Variants in RAD50 observed in about 807,000 individuals in gnomAD.
RAD50 encodes the protein DNA repair protein RAD50.
In RAD50, 132 loss-of-function variants were observed where a neutral mutation model predicts 168.8. The observed-to-expected ratio is 0.78, with a 90% CI of 0.68 to 0.90. The LOEUF (loss-of-function observed/expected upper bound fraction) is 0.90, where lower values mean the gene tolerates loss of function less well. Ranked by LOEUF, RAD50 falls within the 40% of genes least tolerant of loss-of-function variation. The probability of loss-of-function intolerance (pLI) is 0.00; values close to 1 mark genes in which losing one functional copy is unlikely to be tolerated. For synonymous variants in RAD50, 525 were observed against 497.4 expected (o/e 1.06, Z -0.74); for missense variants, 1,347 against 1,534.4 (o/e 0.88, Z 2.04).
chr5:132,592,597 A>T (rs1750722595), intron 11 of RAD50, among the ~76,000 whole-genome samples: 1 of 152,218 alleles, frequency 6.6e-6, no homozygotes, highest in Admixed American at 6.5e-5. Flanking sequence ...TCTCATAATA[A>T]GCAGTTGTTA....
intron 11 of RAD50, chr5:132,592,633 A>G: frequency 3.7e-6 from 1 of 269,130 alleles, no homozygotes; most frequent in South Asian, 3.9e-5. Flanking sequence ...CCAGAAAGTC[A>G]GCAAGCAAAA....
Position 132,556,996 on chromosome 5 carries a change from C to T in RAD50, c.-329C>T, listed in dbSNP as rs181051197. On this transcript the variant is annotated 5_prime_UTR_variant, in exon 1 of 25. Coordinates refer to ENST00000378823, the MANE Select transcript of RAD50 (RefSeq NM_005732.4). The stretch of plus-strand genomic sequence containing the variant: ...AGGCCCACGTGATCCGCAGGGCGGC[C>T]GAGGCAGGAAGCTGTGAGTGCGCGG... The T allele has an allele frequency of 1.3e-4, 106 of 827,308 alleles. No individual in the cohort carries two copies. In the East Asian group the frequency reaches 3.0e-3, roughly 23 times the overall value. The allele number at this position is 827,308 out of a possible 1,614,324, so 51.2% of individuals were successfully genotyped here.
chr5:132,588,035 A>C lies in RAD50; in HGVS notation c.997A>C (p.Asn333His), dbSNP rs2149840664. Reference protein sequence around the residue: ...VDCHRELEKLNKESRLLNQEK... With the variant: ...VDCHRELEKLHKESRLLNQEK... ...CTGTCATCGTGAACTGGAAAAACTAAATAAAGAATCTAGGCTTCTCAATCA... is the reference window on the plus strand; with the variant it reads ...CTGTCATCGTGAACTGGAAAAACTACATAAAGAATCTAGGCTTCTCAATCA... The change falls in exon 7 of 25, where the codon AAT becomes CAT. Residue 333 changes from asparagine (N) to histidine (H), a missense_variant. By Grantham distance (68) the Asn-to-His change is moderately conservative. Coordinates refer to ENST00000378823, the MANE Select transcript of RAD50 (RefSeq NM_005732.4). 1 of 1,612,736 alleles carries C rather than the reference A, an allele frequency of 6.2e-7. No homozygotes were observed. The highest frequency in any genetic ancestry group is 1.1e-5 in the South Asian group (1 of 91,050).
chr5:132,587,050 G>A (rs942555815), intron 5 of RAD50, among the ~76,000 whole-genome samples: 18 of 152,152 alleles, frequency 1.2e-4, no homozygotes, highest in African/African-American at 3.9e-4. Flanking sequence ...CTCTGGAAGC[G>A]AGCCTCAGAG....
chr5:132,579,091 T>C (rs1338076508), intron 3 of RAD50, among the ~76,000 whole-genome samples: 6 of 152,240 alleles, frequency 3.9e-5, no homozygotes, highest in Non-Finnish European at 8.8e-5. Context: ...AAAAATAAAT[T>C]CTGGCTTCCT....
At chr5:132,590,430 A>G (rs1295466639) in intron 9 of RAD50, among the ~76,000 whole-genome samples, 2 of 152,236 alleles carry the variant, frequency 1.3e-5, no homozygotes, top group Admixed American at 6.5e-5. Context: ...AGATTGCGCC[A>G]CTGCTCTCCA....
intron 21 of RAD50, among the ~76,000 whole-genome samples, chr5:132,626,319 G>T (rs1463127285): frequency 6.6e-6 from 1 of 152,180 alleles, no homozygotes; most frequent in Non-Finnish European, 1.5e-5. Flanking sequence ...TATCCAGTAA[G>T]TGGGATTGCA....
chr5:132,608,384 C>A (rs1751020663), intron 16 of RAD50, among the ~76,000 whole-genome samples: 1 of 152,160 alleles, frequency 6.6e-6, no homozygotes, highest in Non-Finnish European at 1.5e-5. Context: ...TTGGCTGCTT[C>A]ATTTACTGGC....
rs575788448 is a variant in RAD50 at position 132,602,369 on chromosome 5, AT to A, written c.2208-923del. ...AGAATTTGGAATATTTCTGAAGTAA[AT>A]TTTTTTTAAAAGATTAAATACATAT... On this transcript the variant is annotated intron_variant, in intron 13 of 24. Coordinates refer to ENST00000378823, the MANE Select transcript of RAD50 (RefSeq NM_005732.4). Among the ~76,000 whole-genome samples, 993 of 152,032 alleles carry A rather than the reference AT, an allele frequency of 6.5e-3. 4 individuals carry two copies. Among genetic ancestry groups the A allele is most frequent in the African/African-American group, 0.023 (937 of 41,512 alleles).
Position 132,557,435 on chromosome 5 carries a change from C to T in RAD50, c.111C>T (p.Pro37=). Reference sequence around the variant, plus strand: ...GCCCCCTTACAATTTTGGTTGGACCCAATGGGGCGGGAAAGACGGTAAGTC... The same window carrying T: ...GCCCCCTTACAATTTTGGTTGGACCTAATGGGGCGGGAAAGACGGTAAGTC... ...FFSPLTILVG[P]NGAGKTTIIE... is the part of the protein sequence containing the mutation. Residue 37 remains proline (P), a synonymous_variant, in exon 1 of 25, where the codon CCC becomes CCT. Transcript: ENST00000378823. The T allele has an allele frequency of 1.9e-6, 3 of 1,614,164 alleles. No individual in the cohort carries two copies. Among genetic ancestry groups the T allele is most frequent in the Non-Finnish European group, 2.5e-6 (3 of 1,180,000 alleles).
chr5:132,643,726 G>GGGGA lies in RAD50; in HGVS notation c.*1365_*1366insAGGG, dbSNP rs1342520646. ...AGTATCCTGGGGGTGGTGGTGGGGT[G>GGGGA]GGGGGGGGTCCTAAATGTAATCACG... On this transcript the variant is annotated 3_prime_UTR_variant, in exon 25 of 25. Coordinates refer to ENST00000378823, the MANE Select transcript of RAD50 (RefSeq NM_005732.4). 1 of 165,482 alleles carries GGGGA rather than the reference G, an allele frequency of 6.0e-6. No individual in the cohort carries two copies. Among genetic ancestry groups the GGGGA allele is most frequent in the Non-Finnish European group, 1.3e-5 (1 of 78,634 alleles). The allele number at this position is 165,482 out of a possible 1,614,324, so 10.3% of individuals were successfully genotyped here.
chr5:132,569,665 G>A (rs534777222), intron 2 of RAD50, among the ~76,000 whole-genome samples: 2 of 152,252 alleles, frequency 1.3e-5, no homozygotes, highest in Admixed American at 6.5e-5. Flanking sequence ...TCCATTGAAC[G>A]ATAGCAGAAT....
intron 21 of RAD50, among the ~76,000 whole-genome samples, chr5:132,626,524 G>T (rs1434452157): frequency 6.6e-6 from 1 of 152,090 alleles, no homozygotes; most frequent in Non-Finnish European, 1.5e-5. Flanking sequence ...GCTCAGAGGC[G>T]ATTTAGTCCA....
intron 2 of RAD50, among the ~76,000 whole-genome samples, chr5:132,563,108 G>A (rs1750149310): frequency 6.6e-6 from 1 of 152,230 alleles, no homozygotes; most frequent in African/African-American, 2.4e-5. Flanking sequence ...AGTGGACACA[G>A]ACATAGGACA....
At chr5:132,583,066 A>C (rs577991081) in intron 5 of RAD50, among the ~76,000 whole-genome samples, 1 of 152,350 alleles carries the variant, frequency 6.6e-6, no homozygotes, top group Admixed American at 6.5e-5. Context: ...AGAGTATCAT[A>C]GTAGAGCTGT....
chr5:132,567,707 A>C (rs2299014), intron 2 of RAD50, among the ~76,000 whole-genome samples: 47,363 of 152,074 alleles, frequency 0.31, 9,362 homozygotes, highest in Non-Finnish European at 0.45. Context: ...AAGGTCACAC[A>C]ATGCTGTGAG....
chr5:132,633,262 G>A (rs1250951243), intron 21 of RAD50, among the ~76,000 whole-genome samples: 3 of 150,336 alleles, frequency 2.0e-5, no homozygotes, highest in East Asian at 2.0e-4. Flanking sequence ...GTACCACCAC[G>A]CCTGGCTAAT....
In RAD50 at chr5:132,604,850, C is replaced by T. The variant is rs1060501973; in HGVS notation, c.2569C>T (p.Gln857Ter). Residue 857 changes from glutamine to a stop codon, truncating the protein, a stop_gained, in exon 16 of 25, where the codon CAG (glutamine) becomes TAG (stop). Coordinates refer to ENST00000378823, the MANE Select transcript of RAD50 (RefSeq NM_005732.4). LOFTEE classifies it high-confidence loss of function. ...GAATCGTAAGCTTATACAGGACCAG[C>T]AGGAACAGATTCAACATCTAAAAAG... ...ELNRKLIQDQ[Q>*]EQIQHLKSTT... 1.2e-6 allele frequency: 2 copies of T among 1,613,424 alleles called. No homozygotes were observed. Among genetic ancestry groups the T allele is most frequent in the Non-Finnish European group, 1.7e-6 (2 of 1,179,500 alleles).
intron 5 of RAD50, among the ~76,000 whole-genome samples, chr5:132,580,862 G>A (rs1024397012): frequency 2.0e-5 from 3 of 152,038 alleles, no homozygotes; most frequent in Non-Finnish European, 4.4e-5. Flanking sequence ...GTTTTAGATA[G>A]TAGATTTTTT....
Sources: allele counts gnomAD v4.1 joint callset (sites outside exome capture counted in the v4.1 genomes callset), GRCh38; gene constraint gnomAD v4.1.1; transcripts MANE v1.5; gene names NCBI Gene and HGNC (gene_info 2026-07-23, HGNC 2026-07-21).